Variants in GPATCH2 observed in about 807,000 individuals in gnomAD.
GPATCH2 encodes G patch domain-containing protein 2.
In GPATCH2, 51 loss-of-function variants were observed where a neutral mutation model predicts 58.0. The ratio of observed to expected loss-of-function variants is 0.88; its 90% CI spans 0.70 to 1.11. GPATCH2 has a LOEUF of 1.11. Ranked by LOEUF, GPATCH2 falls within the 50% of genes most tolerant of loss-of-function variation. GPATCH2 has a pLI of 0.00. For synonymous variants in GPATCH2, 222 were observed against 218.5 expected (o/e 1.02, Z -0.14); for missense variants, 625 against 652.2 (o/e 0.96, Z 0.45).
chr1:217,610,125 A>T, intron 5 of GPATCH2, 196 bp downstream of exon 5: 1 of 1,548,412 alleles, frequency 6.5e-7, no homozygotes. Flanking sequence ...AGATGTTCAA[A>T]ACGTAACTAA....
Position 217,631,052 on chromosome 1 carries a change from A to G in GPATCH2, c.-81T>C, listed in dbSNP as rs1329767244. 6 of 1,338,584 alleles carry G rather than the reference A, an allele frequency of 4.5e-6. No homozygotes were observed. Among genetic ancestry groups the G allele is most frequent in the African/African-American group, 1.5e-5 (1 of 68,758 alleles). 82.9% of individuals were successfully genotyped at this position (1,338,584 alleles called of 1,614,324 possible). A position where few individuals can be genotyped will look rare whatever the true frequency, so the allele number is the denominator to read the frequency against. On this transcript the variant is annotated 5_prime_UTR_variant, in exon 1 of 10. Transcript: ENST00000366935. ...ACAACAGCACCGGCGACTTCCAAAG[A>G]GCAGTTCAGCATTTTGAGATGAGCT...
chr1:217,610,868 C>T (rs1324987042), intron 4 of GPATCH2, 21 bp downstream of exon 4: 1 of 1,556,640 alleles, frequency 6.4e-7, no homozygotes, highest in African/African-American at 1.4e-5. Flanking sequence ...TTATATCTAC[C>T]AGGGAGCCAG....
rs531231971 is a variant in GPATCH2 at position 217,591,567 on chromosome 1, T to C, written c.1098+18754A>G. ...TTCTGTCCAAATCATAACTTCCTCT[T>C]TTGAAAGGTGAGTATGATAAAACTG... On this transcript the variant is annotated intron_variant, in intron 5 of 9. Transcript: ENST00000366935. Among the ~76,000 whole-genome samples, 135 of 152,204 alleles carry C rather than the reference T, an allele frequency of 8.9e-4. 1 individual carries two copies. Among genetic ancestry groups the C allele is most frequent in the African/African-American group, 3.2e-3 (133 of 41,558 alleles).
At chr1:217,553,257 T>C (rs1665449049) in intron 5 of GPATCH2, among the ~76,000 whole-genome samples, 1 of 152,104 alleles carries the variant, frequency 6.6e-6, no homozygotes, top group African/African-American at 2.4e-5. Flanking sequence ...GTAGCTAAAT[T>C]TGCAATATTT....
chr1:217,462,459 T>C (rs905300962), intron 8 of GPATCH2, among the ~76,000 whole-genome samples: 4 of 152,092 alleles, frequency 2.6e-5, no homozygotes, highest in African/African-American at 9.7e-5. Flanking sequence ...AGATAACAGA[T>C]TTCAGGAAGC....
chr1:217,497,486 G>A (rs1354474429), intron 7 of GPATCH2, among the ~76,000 whole-genome samples: 1 of 152,112 alleles, frequency 6.6e-6, no homozygotes, highest in African/African-American at 2.4e-5. Context: ...AATGAAGTGT[G>A]TAGCACCTTC....
intron 8 of GPATCH2, among the ~76,000 whole-genome samples, chr1:217,469,344 A>G (rs1660617172): frequency 6.6e-6 from 1 of 152,178 alleles, no homozygotes. Context: ...ATGTTAATTT[A>G]GTGTAATATA....
intron 5 of GPATCH2, among the ~76,000 whole-genome samples, chr1:217,585,316 C>G (rs1667287216): frequency 6.6e-6 from 1 of 151,788 alleles, no homozygotes. Context: ...AAAAGTGAAA[C>G]AAGTGACATG....
chr1:217,540,154 T>C (rs147668037), intron 5 of GPATCH2, among the ~76,000 whole-genome samples: 92 of 152,274 alleles, frequency 6.0e-4, no homozygotes, highest in African/African-American at 2.2e-3. Flanking sequence ...TAAAGCACAA[T>C]TAATTCATTA....
intron 8 of GPATCH2, among the ~76,000 whole-genome samples, chr1:217,471,935 A>C (rs963193618): frequency 6.6e-6 from 1 of 152,216 alleles, no homozygotes; most frequent in African/African-American, 2.4e-5. Context: ...GACACTTTAA[A>C]AAATTAAGTA....
At chr1:217,515,627 G>A (rs1027764230) in intron 5 of GPATCH2, among the ~76,000 whole-genome samples, 19 of 151,984 alleles carry the variant, frequency 1.3e-4, no homozygotes, top group Non-Finnish European at 7.4e-5. Context: ...AGAATCGCTT[G>A]CACCCAGGAG....
chr1:217,609,508 G>C (rs139271841), intron 5 of GPATCH2: 1 of 983,732 alleles, frequency 1.0e-6, no homozygotes, highest in African/African-American at 1.7e-5. Flanking sequence ...GATTTTTGCA[G>C]TACAATGAAA....
chr1:217,549,137 G>A (rs1249454478), intron 5 of GPATCH2, among the ~76,000 whole-genome samples: 1 of 151,930 alleles, frequency 6.6e-6, no homozygotes, highest in Non-Finnish European at 1.5e-5. Flanking sequence ...GTTAAGTTTT[G>A]GCAGCTCTCA....
chr1:217,568,112 G>A (rs778778223), intron 5 of GPATCH2, among the ~76,000 whole-genome samples: 18 of 151,970 alleles, frequency 1.2e-4, no homozygotes, highest in Non-Finnish European at 2.5e-4. Context: ...GCAAGACTCC[G>A]TCTCAAAAAA....
chr1:217,574,803 G>A (rs886300631), intron 5 of GPATCH2, among the ~76,000 whole-genome samples: 1 of 152,140 alleles, frequency 6.6e-6, no homozygotes, highest in African/African-American at 2.4e-5. Flanking sequence ...CCGGATTTGA[G>A]TCCTGGTCTT....
chr1:217,503,358 T>C (rs1662397019), intron 6 of GPATCH2, among the ~76,000 whole-genome samples: 1 of 152,126 alleles, frequency 6.6e-6, no homozygotes, highest in Non-Finnish European at 1.5e-5. Context: ...TAATCTATTC[T>C]TTCTAGAAGT....
At chr1:217,545,491 G>C (rs375465840) in intron 5 of GPATCH2, among the ~76,000 whole-genome samples, 10 of 152,290 alleles carry the variant, frequency 6.6e-5, no homozygotes, top group African/African-American at 2.2e-4. Context: ...CACAGAAAGG[G>C]AAAATAAAAG....
intron 5 of GPATCH2, among the ~76,000 whole-genome samples, chr1:217,575,812 C>A (rs917681538): frequency 8.5e-5 from 13 of 152,078 alleles, no homozygotes; most frequent in African/African-American, 3.1e-4. Context: ...TATAAAAGTT[C>A]ATTTCTGTAA....
At chr1:217,506,387 TAG>T (rs1056722937) in intron 6 of GPATCH2, among the ~76,000 whole-genome samples, 4 of 152,068 alleles carry the variant, frequency 2.6e-5, no homozygotes, top group African/African-American at 9.7e-5. Context: ...GACAAAGAAG[TAG>T]AAATATATGC....
Sources: allele counts gnomAD v4.1 joint callset (sites outside exome capture counted in the v4.1 genomes callset), GRCh38; gene constraint gnomAD v4.1.1; transcripts MANE v1.5; gene names NCBI Gene and HGNC (gene_info 2026-07-23, HGNC 2026-07-21).